ANO6: variants seen among roughly 807,000 people sequenced by gnomAD.
ANO6 encodes the protein anoctamin-6.
ANO6 carries 106 observed loss-of-function variants against 117.5 expected under a neutral mutation model. The ratio of observed to expected loss-of-function variants is 0.90; its 90% CI spans 0.77 to 1.06. ANO6 has a LOEUF of 1.06. Among genes scored for constraint, ANO6 ranks in the 50% least tolerant of loss-of-function variants. ANO6 has a pLI of 0.00. For missense variants in ANO6, 955 were observed against 1,121.1 expected, an observed-to-expected ratio of 0.85 and a Z score of 2.12; for synonymous variants, 367 against 385.1, an observed-to-expected ratio of 0.95 and a Z score of 0.55.
At chr12:45,276,594 A>G (rs567366280) in intron 1 of ANO6, among the ~76,000 whole-genome samples, 3 of 152,200 alleles carry the variant, frequency 2.0e-5, no homozygotes, top group South Asian at 4.2e-4. Flanking sequence ...CCTACCCGAA[A>G]TACTTCCATC....
chr12:45,398,958 T>C (rs759767765), intron 12 of ANO6, among the ~76,000 whole-genome samples: 6 of 152,144 alleles, frequency 3.9e-5, no homozygotes, highest in Non-Finnish European at 8.8e-5. Flanking sequence ...GAGGTGGGAT[T>C]TATTCTTTCC....
intron 2 of ANO6, among the ~76,000 whole-genome samples, chr12:45,320,626 CTATT>C (rs1444211415): frequency 1.3e-5 from 2 of 152,112 alleles, no homozygotes; most frequent in African/African-American, 4.8e-5. Context: ...CTGTAGCTAT[CTATT>C]AGGTCCACTT....
intron 1 of ANO6, among the ~76,000 whole-genome samples, chr12:45,291,346 CAAAAAAAAA>C (rs747924513): frequency 4.1e-5 from 2 of 48,240 alleles, no homozygotes; most frequent in Non-Finnish European, 8.0e-5. Flanking sequence ...AACTCCGTCT[CAAAAAAAAA>C]AAAAAAAAAA....
intron 16 of ANO6, among the ~76,000 whole-genome samples, chr12:45,411,334 T>C (rs1392056893): frequency 6.6e-6 from 1 of 152,208 alleles, no homozygotes; most frequent in Admixed American, 6.5e-5. Context: ...ACAGCTGTTA[T>C]AGACAGATTT....
At chr12:45,311,367 A>T (rs953421658) in intron 2 of ANO6, among the ~76,000 whole-genome samples, 1 of 152,142 alleles carries the variant, frequency 6.6e-6, no homozygotes, top group Non-Finnish European at 1.5e-5. Flanking sequence ...TGAGCATGTG[A>T]TAACAATGTC....
chr12:45,326,600 G>A (rs1017882092), intron 2 of ANO6, among the ~76,000 whole-genome samples: 6 of 152,132 alleles, frequency 3.9e-5, no homozygotes, highest in African/African-American at 1.4e-4. Flanking sequence ...TAAACCCAGG[G>A]CTGCTTGACG....
chr12:45,385,683 CAAAG>C (rs547630422), intron 10 of ANO6, among the ~76,000 whole-genome samples: 9 of 152,114 alleles, frequency 5.9e-5, no homozygotes, highest in East Asian at 1.9e-4. Context: ...ATCCCATTGA[CAAAG>C]AAGCCAATAC....
chr12:45,316,515 T>C (rs1055456533), intron 2 of ANO6, among the ~76,000 whole-genome samples: 43 of 152,056 alleles, frequency 2.8e-4, no homozygotes, highest in African/African-American at 9.9e-4. Flanking sequence ...AAAATGTTAA[T>C]AGAATATAGA....
At chr12:45,423,633 C>T (rs1219182354) in intron 19 of ANO6, among the ~76,000 whole-genome samples, 1 of 152,208 alleles carries the variant, frequency 6.6e-6, no homozygotes, top group Non-Finnish European at 1.5e-5. Context: ...CCCCTCCCCA[C>T]AACCTATATG....
At chr12:45,436,399 C>T (rs181641657), downstream of ANO6, among the ~76,000 whole-genome samples, 492 of 152,190 alleles carry the variant, frequency 3.2e-3, no homozygotes, top group African/African-American at 0.011. Context: ...ATCTTTATTT[C>T]CACAAAGGCA....
intron 1 of ANO6, among the ~76,000 whole-genome samples, chr12:45,257,394 C>T (rs1177850929): frequency 6.6e-6 from 1 of 152,182 alleles, no homozygotes; most frequent in Non-Finnish European, 1.5e-5. Flanking sequence ...GCCACAGACT[C>T]TTCAGCACTC....
At chr12:45,284,696 C>T (rs1445785399) in intron 1 of ANO6, among the ~76,000 whole-genome samples, 49 of 152,164 alleles carry the variant, frequency 3.2e-4, no homozygotes, top group Admixed American at 3.1e-3. Flanking sequence ...CGTAAAATAC[C>T]TTAGTGACTG....
intron 1 of ANO6, chr12:45,292,935 G>A (rs763880359): frequency 1.2e-5 from 19 of 1,551,366 alleles, no homozygotes; most frequent in Middle Eastern, 1.7e-4. Context: ...TGTGCTGCTG[G>A]TAAGAACATG....
chr12:45,360,574 T>G (rs1400489875), intron 8 of ANO6, among the ~76,000 whole-genome samples: 1 of 152,260 alleles, frequency 6.6e-6, no homozygotes, highest in African/African-American at 2.4e-5. Flanking sequence ...GTTTTCACTT[T>G]CCTAATAGCA....
chr12:45,246,826 G>A lies in ANO6; in HGVS notation c.70+30435G>A, dbSNP rs1432408722. Among the ~76,000 whole-genome samples, 7 of 149,696 alleles carry A rather than the reference G, an allele frequency of 4.7e-5. No homozygotes were observed. In the South Asian group the frequency reaches 8.4e-4, roughly 18 times the overall value. On this transcript the variant is annotated intron_variant, in intron 1 of 19. Transcript: ENST00000320560. Reference sequence around the variant, plus strand: ...GTTACCCAGGTTGGAGCGCAGTGGCGCTGTCTCGGCTCATTGCAACCTCCG... The same window carrying A: ...GTTACCCAGGTTGGAGCGCAGTGGCACTGTCTCGGCTCATTGCAACCTCCG...
chr12:45,260,433 A>G (rs1190290392), intron 1 of ANO6, among the ~76,000 whole-genome samples: 1 of 152,226 alleles, frequency 6.6e-6, no homozygotes, highest in East Asian at 1.9e-4. Flanking sequence ...TCAGCTTGCT[A>G]AACAATGTTG....
intron 19 of ANO6, among the ~76,000 whole-genome samples, chr12:45,438,414 C>T (rs1943733060): frequency 6.6e-6 from 1 of 151,950 alleles, no homozygotes; most frequent in Admixed American, 6.6e-5. Flanking sequence ...ATCTGAAATC[C>T]AAAATGCTCC....
chr12:45,261,453 G>A lies in ANO6; in HGVS notation c.71-40561G>A, dbSNP rs1938030901. The stretch of plus-strand genomic sequence containing the variant: ...CACGCTCAGGGTTTCCTCCAGCTCT[G>A]ATTTGCAAATATCATCTTGTTTACC... On this transcript the variant is annotated intron_variant, in intron 1 of 19. Coordinates refer to ENST00000320560, the MANE Select transcript of ANO6 (RefSeq NM_001025356.3). Among the ~76,000 whole-genome samples, 4 of 152,164 alleles carry A rather than the reference G, an allele frequency of 2.6e-5. 1 individual carries two copies. The South Asian group carries it at 8.3e-4, about 32-fold the overall frequency.
intron 1 of ANO6, among the ~76,000 whole-genome samples, 161 bp downstream of exon 1, chr12:45,216,552 G>T (rs934130444): frequency 5.9e-5 from 9 of 152,210 alleles, no homozygotes; most frequent in Non-Finnish European, 1.2e-4. Flanking sequence ...GCTGCTTGCA[G>T]ACTGAGGCCC....
Sources: allele counts gnomAD v4.1 joint callset (sites outside exome capture counted in the v4.1 genomes callset), GRCh38; gene constraint gnomAD v4.1.1; transcripts MANE v1.5; gene names NCBI Gene and HGNC (gene_info 2026-07-23, HGNC 2026-07-21).